Variants in LARP4B observed in about 807,000 individuals in gnomAD.
The protein encoded by LARP4B is la-related protein 4B.
Under a neutral mutation model 89.8 loss-of-function variants are expected in LARP4B, and 12 were observed. The observed-to-expected ratio is 0.13, with a 90% CI of 0.09 to 0.22. The LOEUF (loss-of-function observed/expected upper bound fraction) is 0.22. Among genes scored for constraint, LARP4B ranks in the 10% least tolerant of loss-of-function variants. The pLI is 1.00. For missense variants in LARP4B, 757 were observed against 947.7 expected, an observed-to-expected ratio of 0.80 and a Z score of 2.64; for synonymous variants, 367 against 363.3, an observed-to-expected ratio of 1.01 and a Z score of -0.12.
Position 847,246 on chromosome 10 carries a change from C to A in LARP4B, c.431-2191G>T, listed in dbSNP as rs1002785426. Among the ~76,000 whole-genome samples, 3 of 151,950 alleles carry A rather than the reference C, an allele frequency of 2.0e-5. No homozygotes were observed. In the East Asian group the frequency reaches 5.8e-4, roughly 30 times the overall value. On this transcript the variant is annotated intron_variant, in intron 5 of 17. Coordinates refer to ENST00000316157, the MANE Select transcript of LARP4B (RefSeq NM_015155.3). The stretch of plus-strand genomic sequence containing the variant: ...CCACCTTAGAAAGATGGGGAGTGAC[C>A]CAACCATGCAAGAAACACCCGGCAC...
intron 7 of LARP4B, among the ~76,000 whole-genome samples, chr10:841,062 G>C (rs575515289): frequency 2.0e-5 from 3 of 152,192 alleles, no homozygotes; most frequent in Non-Finnish European, 4.4e-5. Flanking sequence ...GCTGAGGTAG[G>C]AGAATTGCTT....
intron 11 of LARP4B, among the ~76,000 whole-genome samples, chr10:827,061 G>T (rs1348389914): frequency 2.0e-5 from 3 of 152,278 alleles, no homozygotes; most frequent in Middle Eastern, 3.4e-3. Flanking sequence ...GGATCAAAAG[G>T]TCAGGAGATC....
chr10:910,232 A>G (rs1836631083), intron 1 of LARP4B, among the ~76,000 whole-genome samples: 1 of 152,144 alleles, frequency 6.6e-6, no homozygotes, highest in African/African-American at 2.4e-5. Context: ...CCCTTTAAAA[A>G]TCTACTTCCA....
chr10:976,557 TA>T, the LARP4B span, among the ~76,000 whole-genome samples: 1 of 134,484 alleles, frequency 7.4e-6, no homozygotes, highest in South Asian at 2.4e-4. Flanking sequence ...AGGTGCCGCG[TA>T]ATGTGTGGCC....
chr10:902,372 C>T (rs1323138439), intron 1 of LARP4B, among the ~76,000 whole-genome samples: 2 of 152,224 alleles, frequency 1.3e-5, no homozygotes, highest in Non-Finnish European at 2.9e-5. Flanking sequence ...GCTTTTATCC[C>T]GTGCTACACC....
intron 8 of LARP4B, among the ~76,000 whole-genome samples, chr10:834,586 T>C (rs544713180): frequency 5.9e-5 from 9 of 152,342 alleles, no homozygotes; most frequent in African/African-American, 1.9e-4. Flanking sequence ...TTAGGCTACT[T>C]ATTTTCCTTC....
At chr10:828,538 C>T (rs1274943661) in intron 11 of LARP4B, among the ~76,000 whole-genome samples, 1 of 152,210 alleles carries the variant, frequency 6.6e-6, no homozygotes, top group Non-Finnish European at 1.5e-5. Flanking sequence ...GCCTGGCTCC[C>T]AGCCATCCGA....
chr10:943,561 C>G, the LARP4B span, among the ~76,000 whole-genome samples: 51 of 152,344 alleles, frequency 3.3e-4, 1 homozygote, highest in African/African-American at 1.2e-3. Flanking sequence ...TTTTGAGTAG[C>G]TGGGACCACA....
chr10:886,889 A>C (rs1460160995), intron 1 of LARP4B, among the ~76,000 whole-genome samples: 1 of 152,232 alleles, frequency 6.6e-6, no homozygotes, highest in African/African-American at 2.4e-5. Flanking sequence ...CAGGAGTTCG[A>C]GACCTGTCTG....
intron 1 of LARP4B, among the ~76,000 whole-genome samples, chr10:908,392 T>C (rs1266855924): frequency 6.6e-6 from 1 of 152,182 alleles, no homozygotes; most frequent in Non-Finnish European, 1.5e-5. Context: ...CCAGGAAACA[T>C]GTTTTCCTTA....
intron 5 of LARP4B, among the ~76,000 whole-genome samples, chr10:858,714 A>T (rs1834431863): frequency 1.3e-5 from 2 of 152,236 alleles, no homozygotes; most frequent in Non-Finnish European, 2.9e-5. Flanking sequence ...TGATTCAAAA[A>T]TAGGCAAAGG....
Position 810,014 on chromosome 10 carries a change from C to T in LARP4B, c.*2912G>A, listed in dbSNP as rs1485652665. ...TCACTCTCAGAGAACGACGACTCCA[C>T]TTGAAATTCATGTCTGGTGAAACGG... On this transcript the variant is annotated 3_prime_UTR_variant, in exon 18 of 18. Coordinates refer to ENST00000316157, the MANE Select transcript of LARP4B (RefSeq NM_015155.3). 1 of 152,248 alleles carries T rather than the reference C, an allele frequency of 6.6e-6. No individual in the cohort carries two copies. The highest frequency in any genetic ancestry group is 6.5e-5 in the Admixed American group (1 of 15,290). 9.4% of individuals were successfully genotyped at this position (152,248 alleles called of 1,614,324 possible).
At chr10:909,152 G>GGA (rs2132014279) in intron 1 of LARP4B, among the ~76,000 whole-genome samples, 1 of 152,134 alleles carries the variant, frequency 6.6e-6, no homozygotes, top group Non-Finnish European at 1.5e-5. Flanking sequence ...AAATTAGCCG[G>GGA]GCATGGTGGT....
At chr10:960,116 G>A in the LARP4B span, among the ~76,000 whole-genome samples, 139 of 152,312 alleles carry the variant, frequency 9.1e-4, no homozygotes, top group African/African-American at 6.0e-4. Context: ...GTCACTAAGC[G>A]GAAGAAGCCA....
chr10:907,406 CT>C (rs1217727480), intron 1 of LARP4B, among the ~76,000 whole-genome samples: 2 of 152,302 alleles, frequency 1.3e-5, no homozygotes, highest in Admixed American at 6.5e-5. Context: ...GGCAAAATTA[CT>C]TTGAGTTAAT....
intron 1 of LARP4B, among the ~76,000 whole-genome samples, chr10:919,568 G>T (rs1836924590): frequency 6.7e-6 from 1 of 148,444 alleles, no homozygotes; most frequent in Non-Finnish European, 1.5e-5. Flanking sequence ...GGGAGTTGTT[G>T]CAATTTGCTG....
the LARP4B span, chr10:971,213 G>T: frequency 1.3e-5 from 2 of 152,180 alleles, no homozygotes; most frequent in African/African-American, 2.4e-5. Context: ...GCAGGGAAAA[G>T]AAACTTTTCC....
intron 1 of LARP4B, among the ~76,000 whole-genome samples, chr10:912,111 T>C (rs1836682359): frequency 6.6e-6 from 1 of 152,150 alleles, no homozygotes; most frequent in African/African-American, 2.4e-5. Context: ...GTGGCAGGTG[T>C]TATGGCGTTT....
At chr10:907,867 A>G (rs1472125081) in intron 1 of LARP4B, among the ~76,000 whole-genome samples, 1 of 152,238 alleles carries the variant, frequency 6.6e-6, no homozygotes. Flanking sequence ...GTTGATCATC[A>G]ATGGCCAATG....
Sources: gnomAD v4.1 joint callset for allele counts (sites outside exome capture counted in the v4.1 genomes callset) on GRCh38, gnomAD v4.1.1 for gene constraint, MANE v1.5 for transcripts, NCBI Gene and HGNC (gene_info 2026-07-23, HGNC 2026-07-21) for gene names.